The following PCMTD1 variants were observed in gnomAD, a reference collection of about 807,000 sequenced individuals.
PCMTD1 encodes the protein protein-L-isoaspartate (D-aspartate) O-methyltransferase domain containing 1.
A neutral mutation model predicts 37.6 loss-of-function variants in PCMTD1; 12 were observed. The observed-to-expected ratio is 0.32, with a 90% CI of 0.20 to 0.52. PCMTD1 has a LOEUF of 0.52. Ranked by LOEUF, PCMTD1 falls within the 20% of genes least tolerant of loss-of-function variation. The probability of loss-of-function intolerance (pLI) is 0.97; values close to 1 mark genes in which losing one functional copy is unlikely to be tolerated. For missense variants in PCMTD1, 235 were observed against 421.3 expected (o/e 0.56, Z 3.87); for synonymous variants, 117 against 135.8 (o/e 0.86, Z 0.96).
rs138245613 is a variant in PCMTD1 at position 51,865,159 on chromosome 8, A to C, written c.-95-3913T>G. ...AACAGAAAATCTGAACAAACCAATA[A>C]CAAGCAAGAAGACTGAATCAATAAT... is the stretch of plus-strand genomic sequence containing the variant. On this transcript the variant is annotated intron_variant, in intron 1 of 5. Coordinates refer to ENST00000522514, the MANE Select transcript of PCMTD1 (RefSeq NM_052937.4). 2.1e-3 allele frequency among the ~76,000 whole-genome samples: 324 copies of C among 152,268 alleles called. 2 individuals are homozygous for C. The highest frequency in any genetic ancestry group is 7.3e-3 in the African/African-American group (303 of 41,582).
chr8:51,829,580 T>C (rs558565048), intron 5 of PCMTD1, among the ~76,000 whole-genome samples: 2 of 152,154 alleles, frequency 1.3e-5, no homozygotes, highest in African/African-American at 2.4e-5. Context: ...GTCTGCCTAA[T>C]GTAAGGGTTG....
chr8:51,834,083 AG>A (rs1318621136), intron 3 of PCMTD1, among the ~76,000 whole-genome samples: 1 of 152,160 alleles, frequency 6.6e-6, no homozygotes, highest in Non-Finnish European at 1.5e-5. Flanking sequence ...AAAAAAGGTG[AG>A]GGGCCAGCAG....
At chr8:51,878,337 G>T (rs560436232) in intron 1 of PCMTD1, among the ~76,000 whole-genome samples, 1 of 149,530 alleles carries the variant, frequency 6.7e-6, no homozygotes, top group African/African-American at 2.4e-5. Flanking sequence ...AATGTGGCCT[G>T]GGGAAGCCAA....
At chr8:51,858,379 G>C (rs905698833) in intron 2 of PCMTD1, among the ~76,000 whole-genome samples, 2 of 152,196 alleles carry the variant, frequency 1.3e-5, no homozygotes, top group Non-Finnish European at 2.9e-5. Flanking sequence ...GAGCCATAGT[G>C]TTATAGTTTT....
chr8:51,860,337 A>G (rs2038453236), intron 2 of PCMTD1: 1 of 154,376 alleles, frequency 6.5e-6, no homozygotes. Context: ...ACATGCCAGG[A>G]ACAATGCTTG....
chr8:51,859,353 T>C (rs569864879), intron 2 of PCMTD1, among the ~76,000 whole-genome samples: 70 of 152,248 alleles, frequency 4.6e-4, no homozygotes, highest in African/African-American at 1.6e-3. Flanking sequence ...GTGACAGATA[T>C]CTGGAAGTTC....
In PCMTD1 at chr8:51,872,501, C is replaced by T. The variant is rs116070062; in HGVS notation, c.-95-11255G>A. Among the ~76,000 whole-genome samples, 826 of 152,208 alleles carry T rather than the reference C, an allele frequency of 5.4e-3. 9 individuals are homozygous for T. The highest frequency in any genetic ancestry group is 0.019 in the African/African-American group (789 of 41,530). ...ACCTTTAAAACAAGTTGTTCACCTCCTCTAACTCAGGAAAAGTCTATAAAC... is the reference window on the plus strand; with the variant it reads ...ACCTTTAAAACAAGTTGTTCACCTCTTCTAACTCAGGAAAAGTCTATAAAC... On this transcript the variant is annotated intron_variant, in intron 1 of 5. Coordinates refer to ENST00000522514, the MANE Select transcript of PCMTD1 (RefSeq NM_052937.4).
chr8:51,881,249 G>A (rs979118779), intron 1 of PCMTD1, among the ~76,000 whole-genome samples: 3 of 66,306 alleles, frequency 4.5e-5, no homozygotes, highest in Non-Finnish European at 1.6e-4. Context: ...TCCAGTGCCT[G>A]TGTTGGTGGT....
intron 1 of PCMTD1, among the ~76,000 whole-genome samples, chr8:51,875,556 A>C (rs1037705197): frequency 2.6e-5 from 4 of 152,368 alleles, no homozygotes; most frequent in African/African-American, 7.2e-5. Flanking sequence ...TCATAATTTC[A>C]TATCAAGTTG....
At chr8:51,875,025 G>C (rs1279903219) in intron 1 of PCMTD1, among the ~76,000 whole-genome samples, 1 of 152,160 alleles carries the variant, frequency 6.6e-6, no homozygotes, top group East Asian at 1.9e-4. Flanking sequence ...TCTCAGAAAA[G>C]AGAAAACCTA....
At chr8:51,877,924 A>C (rs531710249) in intron 1 of PCMTD1, among the ~76,000 whole-genome samples, 70 of 152,356 alleles carry the variant, frequency 4.6e-4, no homozygotes, top group African/African-American at 1.6e-3. Flanking sequence ...AGTTAAAAAA[A>C]AATTCTACTC....
chr8:51,877,701 G>T (rs1041787494), intron 1 of PCMTD1, among the ~76,000 whole-genome samples: 2 of 151,914 alleles, frequency 1.3e-5, no homozygotes, highest in Non-Finnish European at 2.9e-5. Context: ...GCCCTGAGAT[G>T]GACACTCATC....
upstream of PCMTD1, chr8:51,899,108 G>A (rs1327416102): frequency 2.8e-6 from 4 of 1,451,592 alleles, no homozygotes; most frequent in Non-Finnish European, 3.6e-6. Flanking sequence ...CGGGGTCCGG[G>A]CATGCGCAGA....
At position 51,820,609 on chromosome 8, in the gene PCMTD1, A is replaced by C. The variant is rs757844458; in HGVS notation, c.816T>G (p.Ala272=). The change falls in exon 6 of 6, where the codon GCT becomes GCG. Residue 272 remains alanine (A), a synonymous_variant. Coordinates refer to ENST00000522514, the MANE Select transcript of PCMTD1 (RefSeq NM_052937.4). The part of the protein sequence containing the change: ...EMQAKGIPQR[A]PPKRKRKRVK... ...CTCTCTTTCTTTTCCTTTTGGGTGGAGCCCTTTGAGGAATCCCCTTGGCCT... is the reference window on the plus strand; with the variant it reads ...CTCTCTTTCTTTTCCTTTTGGGTGGCGCCCTTTGAGGAATCCCCTTGGCCT... 4 of 1,611,034 alleles carry C rather than the reference A, an allele frequency of 2.5e-6. No homozygotes were observed. Among genetic ancestry groups the C allele is most frequent in the Non-Finnish European group, 3.4e-6 (4 of 1,179,308 alleles).
chr8:51,881,934 G>A (rs1009772724), intron 1 of PCMTD1, among the ~76,000 whole-genome samples: 2 of 152,160 alleles, frequency 1.3e-5, no homozygotes, highest in Admixed American at 6.5e-5. Flanking sequence ...AAGCATCCAT[G>A]TTTTTGCATA....
At chr8:51,891,469 T>C (rs985536803) in intron 1 of PCMTD1, among the ~76,000 whole-genome samples, 5 of 151,864 alleles carry the variant, frequency 3.3e-5, no homozygotes, top group Non-Finnish European at 5.9e-5. Context: ...TGAGGTTGGA[T>C]TGCTCGAGGT....
Position 51,843,894 on chromosome 8 carries a change from A to G in PCMTD1, c.410+1767T>C, listed in dbSNP as rs2129280133. 1.3e-5 allele frequency among the ~76,000 whole-genome samples: 2 copies of G among 152,314 alleles called. 1 individual carries two copies. The highest frequency in any genetic ancestry group is 4.1e-4 in the South Asian group (2 of 4,830). ...ATGTATTAATAGGTGAAATCTATTA[A>G]TAACTAACATATAACAGAGCTTAAA... On this transcript the variant is annotated intron_variant, in intron 3 of 5. Coordinates refer to ENST00000522514, the MANE Select transcript of PCMTD1 (RefSeq NM_052937.4).
chr8:51,894,108 G>T (rs576414312), intron 1 of PCMTD1, among the ~76,000 whole-genome samples: 1 of 152,216 alleles, frequency 6.6e-6, no homozygotes, highest in Admixed American at 6.5e-5. Flanking sequence ...GGGGCTCTAG[G>T]GAAATACGGT....
At chr8:51,827,220 C>A in intron 5 of PCMTD1, 1 of 1,122,630 alleles carries the variant, frequency 8.9e-7, no homozygotes, top group East Asian at 7.0e-5. Context: ...TTTAGAAATT[C>A]ACATAATTCC....
Sources: allele counts gnomAD v4.1 joint callset (sites outside exome capture counted in the v4.1 genomes callset), GRCh38; gene constraint gnomAD v4.1.1; transcripts MANE v1.5; gene names NCBI Gene and HGNC (gene_info 2026-07-23, HGNC 2026-07-21).